Variants in MICAL3 observed in about 807,000 individuals in gnomAD.
MICAL3 encodes [F-actin]-monooxygenase MICAL3.
A neutral mutation model predicts 207.4 loss-of-function variants in MICAL3; 62 were observed. That is an observed-to-expected ratio of 0.30 (90% CI 0.24 to 0.37). The LOEUF is 0.37. Among genes scored for constraint, MICAL3 ranks in the 10% least tolerant of loss-of-function variants. The pLI is 1.00. For synonymous variants in MICAL3, 1,077 were observed against 1,069.3 expected, an observed-to-expected ratio of 1.01 and a Z score of -0.14; for missense variants, 2,368 against 2,635.6, an observed-to-expected ratio of 0.90 and a Z score of 2.22.
chr22:17,987,475 T>C (rs1921155402), intron 1 of MICAL3, among the ~76,000 whole-genome samples: 2 of 152,164 alleles, frequency 1.3e-5, no homozygotes, highest in Admixed American at 1.3e-4. Flanking sequence ...CTAGGCCTGC[T>C]CTCCCTCTAG....
intron 27 of MICAL3, chr22:17,811,044 C>T (rs1057174815): frequency 8.0e-6 from 4 of 501,318 alleles, no homozygotes; most frequent in Non-Finnish European, 1.5e-5. Flanking sequence ...CTCAGTGCCA[C>T]GGGCACACCT....
intron 1 of MICAL3, among the ~76,000 whole-genome samples, chr22:18,023,750 C>G (rs1924630360): frequency 6.6e-6 from 1 of 152,232 alleles, no homozygotes; most frequent in African/African-American, 2.4e-5. Context: ...GGGCCACCAC[C>G]GCGCGCCGCG....
At position 17,805,942 on chromosome 22, in the gene MICAL3, C is replaced by T. The variant is rs112774196; in HGVS notation, c.5650+2902G>A. ...ACAGGGTTTCTCCATGTTGGTCAGG[C>T]TGGTCTCAAACTCCCGGCCTCAGGT... On this transcript the variant is annotated intron_variant, in intron 29 of 31. Coordinates refer to ENST00000441493, the MANE Select transcript of MICAL3 (RefSeq NM_015241.3). Among the ~76,000 whole-genome samples the T allele has an allele frequency of 5.4e-3, 830 of 152,320 alleles. 6 individuals carry two copies. The highest frequency in any genetic ancestry group is 0.019 in the African/African-American group (775 of 41,564).
chr22:17,875,811 TG>T (rs972847933), intron 16 of MICAL3, among the ~76,000 whole-genome samples: 11 of 152,086 alleles, frequency 7.2e-5, no homozygotes, highest in African/African-American at 2.7e-4. Context: ...CCCGCAGCTG[TG>T]GGCCGCCCGG....
At chr22:17,921,581 AG>A (rs1421480447) in intron 1 of MICAL3, among the ~76,000 whole-genome samples, 34 of 152,082 alleles carry the variant, frequency 2.2e-4, no homozygotes, top group Non-Finnish European at 1.5e-5. Flanking sequence ...CTCCATCTTC[AG>A]GGTTCAAGTG....
At chr22:17,831,787 C>A in intron 21 of MICAL3, 67 bp downstream of exon 21, 2 of 1,512,890 alleles carry the variant, frequency 1.3e-6, no homozygotes, top group Non-Finnish European at 8.9e-7. Context: ...AAACCTCTTA[C>A]ACTCACGCAT....
chr22:17,812,249 A>G (rs2062056689), intron 27 of MICAL3, among the ~76,000 whole-genome samples: 1 of 152,248 alleles, frequency 6.6e-6, no homozygotes. Flanking sequence ...GCCCAGCCCC[A>G]CAGCGGCAGC....
intron 16 of MICAL3, among the ~76,000 whole-genome samples, chr22:17,872,487 C>T (rs910215190): frequency 6.6e-6 from 1 of 152,192 alleles, no homozygotes; most frequent in African/African-American, 2.4e-5. Flanking sequence ...AATGGAAATG[C>T]TAGCAGAGTT....
chr22:17,883,303 C>A (rs1929596055), intron 16 of MICAL3, among the ~76,000 whole-genome samples: 1 of 152,206 alleles, frequency 6.6e-6, no homozygotes, highest in South Asian at 2.1e-4. Flanking sequence ...TCCATCTCAG[C>A]CTTTTGGGCC....
chr22:17,955,831 C>G (rs1934587305), intron 1 of MICAL3, among the ~76,000 whole-genome samples: 1 of 152,200 alleles, frequency 6.6e-6, no homozygotes, highest in African/African-American at 2.4e-5. Flanking sequence ...GCCAGCATCA[C>G]AGAACTGCTG....
Position 17,965,699 on chromosome 22 carries a change from C to A in MICAL3, c.-75+58582G>T, listed in dbSNP as rs114517412. Among the ~76,000 whole-genome samples the A allele has an allele frequency of 9.2e-5, 14 of 152,288 alleles. 1 individual carries two copies. The South Asian group carries it at 2.9e-3, about 32-fold the overall frequency. On this transcript the variant is annotated intron_variant, in intron 1 of 31. Transcript: ENST00000441493. Reference sequence around the variant, plus strand: ...CACCTGATCCCAGGAAGCCTGGAACCGTGAACACTAAGTAGCCTCTCTACT... The same window carrying A: ...CACCTGATCCCAGGAAGCCTGGAACAGTGAACACTAAGTAGCCTCTCTACT...
At chr22:17,957,835 C>A (rs1275517239) in intron 1 of MICAL3, among the ~76,000 whole-genome samples, 1 of 151,976 alleles carries the variant, frequency 6.6e-6, no homozygotes, top group Non-Finnish European at 1.5e-5. Flanking sequence ...ATGGTACAGT[C>A]ACAGGGAGCC....
At chr22:17,980,241 C>T (rs1935846875) in intron 1 of MICAL3, among the ~76,000 whole-genome samples, 1 of 152,174 alleles carries the variant, frequency 6.6e-6, no homozygotes, top group East Asian at 1.9e-4. Flanking sequence ...ATTCGTGAAA[C>T]AGCAGCAGCT....
chr22:17,897,850 C>T (rs1249700763), intron 7 of MICAL3, among the ~76,000 whole-genome samples: 3 of 152,150 alleles, frequency 2.0e-5, no homozygotes. Context: ...CAGAAACCCA[C>T]AAAGAAGAAC....
chr22:17,883,708 T>A (rs1454481076), intron 16 of MICAL3, among the ~76,000 whole-genome samples: 1 of 152,152 alleles, frequency 6.6e-6, no homozygotes, highest in East Asian at 1.9e-4. Context: ...TTCCAGGAGA[T>A]CCTGCCAAGG....
Position 17,895,273 on chromosome 22 carries a change from G to A in MICAL3, c.1449+11C>T, listed in dbSNP as rs1269859965. On this transcript the variant is annotated intron_variant, in intron 10 of 31. Transcript: ENST00000441493. ...TGGGCCCAGATGTAAATACTGACAAGAAGGTCTTACCTGGCTTGGCCGGAG... is the reference window on the plus strand; with the variant it reads ...TGGGCCCAGATGTAAATACTGACAAAAAGGTCTTACCTGGCTTGGCCGGAG... The A allele has an allele frequency of 6.2e-7, 1 of 1,612,964 alleles. No homozygotes were observed. Among genetic ancestry groups the A allele is most frequent in the Admixed American group, 1.7e-5 (1 of 59,920 alleles).
intron 1 of MICAL3, among the ~76,000 whole-genome samples, chr22:17,977,851 C>G (rs1339912063): frequency 6.6e-6 from 1 of 152,022 alleles, no homozygotes; most frequent in Non-Finnish European, 1.5e-5. Context: ...TGGAAAAACC[C>G]TGTCTCTATA....
chr22:17,849,677 TGTGTGTGTG>T (rs1413119042), intron 19 of MICAL3, among the ~76,000 whole-genome samples: 3 of 139,352 alleles, frequency 2.2e-5, no homozygotes, highest in African/African-American at 8.4e-5. Context: ...TGTGTGTGTG[TGTGTGTGTG>T]TATTTTTTTT....
At position 17,817,610 on chromosome 22, in the gene MICAL3, C is replaced by A; in HGVS notation, c.5051G>T (p.Gly1684Val). The change falls in exon 26 of 32, where the codon GGC (glycine) becomes GTC (valine). Residue 1684 changes from glycine to valine, a missense_variant. Gly to Val is a moderately radical substitution (Grantham distance 109). Around this residue, in one of 4 missense-constraint regions of MICAL3, gnomAD observed 1,770 missense variants for 1,863.2 expected, o/e 0.95. Coordinates refer to ENST00000441493, the MANE Select transcript of MICAL3 (RefSeq NM_015241.3). ...GGAGCCCTCGGATGAAGTGAAAGAG[C>A]CATCTGGGCCCCCTGAGTCCGACGG... The part of the protein sequence containing the change: ...SPPSDSGGPD[G>V]SFTSSEGSSG... 6.2e-7 allele frequency: 1 copy of A among 1,613,128 alleles called. No individual in the cohort carries two copies. The highest frequency in any genetic ancestry group is 1.1e-5 in the South Asian group (1 of 91,054).
Sources: gnomAD v4.1 joint callset for allele counts (sites outside exome capture counted in the v4.1 genomes callset) on GRCh38, gnomAD v4.1.1 for gene constraint, gnomAD v4.1.1 regional missense constraint, MANE v1.5 for transcripts, NCBI Gene and HGNC (gene_info 2026-07-23, HGNC 2026-07-21) for gene names.